TRMT9B: variants seen among roughly 807,000 people sequenced by gnomAD.
TRMT9B encodes the protein probable tRNA methyltransferase 9B.
A neutral mutation model predicts 11.5 loss-of-function variants in TRMT9B; 16 were observed. The observed-to-expected ratio is 1.39, with a 90% CI of 0.94 to 2.11. The LOEUF (loss-of-function observed/expected upper bound fraction) is 2.11, where lower values mean the gene tolerates loss of function less well. TRMT9B is among the 30% of genes most tolerant of loss of function. TRMT9B has a pLI of 0.00. For synonymous variants in TRMT9B, 274 were observed against 192.4 expected, an observed-to-expected ratio of 1.42 and a Z score of -3.51; for missense variants, 941 against 553.8, an observed-to-expected ratio of 1.70 and a Z score of -7.02.
chr8:12,968,109 T>A (rs1295236975), intron 1 of TRMT9B, among the ~76,000 whole-genome samples: 1 of 152,196 alleles, frequency 6.6e-6, no homozygotes, highest in Non-Finnish European at 1.5e-5. Context: ...GGTCTCAAAC[T>A]CCTGGGCTTA....
At position 12,990,776 on chromosome 8, in the gene TRMT9B, C is replaced by G. The variant is rs1807196372; in HGVS notation, c.-199-58C>G. The G allele has an allele frequency of 4.4e-6, 5 of 1,138,510 alleles. No individual in the cohort carries two copies. In the South Asian group the frequency reaches 6.9e-5, roughly 16 times the overall value. 70.5% of individuals were successfully genotyped at this position (1,138,510 alleles called of 1,614,324 possible). On this transcript the variant is annotated intron_variant, in intron 1 of 4. Coordinates refer to ENST00000524591, the MANE Select transcript of TRMT9B (RefSeq NM_020844.3). ...GTCAGGAAGTCAGCCTGGGCTGTAG[C>G]TGGCTCCATATACATACCATGTGAA...
At position 13,021,405 on chromosome 8, in the gene TRMT9B, A is replaced by C. The variant is rs1020281982; in HGVS notation, c.726A>C (p.Thr242=). ...AGGAAGAATATGGATTTTACAGCACATTAGGAAAATCGTTTCGTTCCTGGT... is the reference window on the plus strand; with the variant it reads ...AGGAAGAATATGGATTTTACAGCACCTTAGGAAAATCGTTTCGTTCCTGGT... ...EGEEEYGFYS[T]LGKSFRSWFF... Residue 242 remains threonine, a synonymous_variant, in exon 5 of 5, where the codon ACA becomes ACC. Transcript: ENST00000524591. The C allele has an allele frequency of 6.2e-7, 1 of 1,614,044 alleles. No individual in the cohort carries two copies. The highest frequency in any genetic ancestry group is 8.5e-7 in the Non-Finnish European group (1 of 1,179,894).
At chr8:12,998,379 A>C (rs991791868) in intron 2 of TRMT9B, among the ~76,000 whole-genome samples, 1 of 152,236 alleles carries the variant, frequency 6.6e-6, no homozygotes, top group African/African-American at 2.4e-5. Context: ...TCATAAATGT[A>C]TGTCAGTATT....
At chr8:12,983,556 G>C (rs1305312927) in intron 1 of TRMT9B, among the ~76,000 whole-genome samples, 1 of 152,128 alleles carries the variant, frequency 6.6e-6, no homozygotes, top group Non-Finnish European at 1.5e-5. Context: ...TGTAATCTCA[G>C]CTGCTCAGGA....
At chr8:12,997,968 G>A (rs950535839) in intron 2 of TRMT9B, among the ~76,000 whole-genome samples, 7 of 152,076 alleles carry the variant, frequency 4.6e-5, no homozygotes, top group African/African-American at 1.7e-4. Flanking sequence ...GGATCCTATT[G>A]TGGCTTAAAT....
At chr8:12,960,282 G>C (rs1354017511) in intron 1 of TRMT9B, 2 of 152,212 alleles carry the variant, frequency 1.3e-5, no homozygotes, top group African/African-American at 2.4e-5. Context: ...TCAGTCACTA[G>C]TAGTAACCAA....
At chr8:12,967,676 G>C (rs1310342629) in intron 1 of TRMT9B, among the ~76,000 whole-genome samples, 4 of 152,136 alleles carry the variant, frequency 2.6e-5, no homozygotes, top group African/African-American at 9.7e-5. Flanking sequence ...TAAGTGAGTA[G>C]TCACTTCCAT....
intron 1 of TRMT9B, among the ~76,000 whole-genome samples, chr8:12,985,271 G>C (rs1433023724): frequency 6.6e-6 from 1 of 152,130 alleles, no homozygotes; most frequent in Non-Finnish European, 1.5e-5. Flanking sequence ...ATATTTTGTT[G>C]TTTTGAAGCT....
At chr8:12,955,322 T>C (rs1163751844) in intron 1 of TRMT9B, among the ~76,000 whole-genome samples, 1 of 152,140 alleles carries the variant, frequency 6.6e-6, no homozygotes, top group Non-Finnish European at 1.5e-5. Context: ...TTTTTAGAGA[T>C]GATGATGAGG....
Position 13,028,110 on chromosome 8 carries a change from C to A in TRMT9B, c.*6066C>A, listed in dbSNP as rs1476619100. 1 of 167,064 alleles carries A rather than the reference C, an allele frequency of 6.0e-6. No individual in the cohort carries two copies. Among genetic ancestry groups the A allele is most frequent in the African/African-American group, 2.4e-5 (1 of 41,442 alleles). 10.3% of individuals were successfully genotyped at this position (167,064 alleles called of 1,614,324 possible). On this transcript the variant is annotated 3_prime_UTR_variant, in exon 5 of 5. Coordinates refer to ENST00000524591, the MANE Select transcript of TRMT9B (RefSeq NM_020844.3). ...TTCTATTTTTAATTCCCCAGGGATC[C>A]TACGGTCTATGACACATTAACAGGG... is the stretch of plus-strand genomic sequence containing the variant.
At chr8:13,019,055 A>G (rs1042599858) in intron 4 of TRMT9B, among the ~76,000 whole-genome samples, 2 of 152,302 alleles carry the variant, frequency 1.3e-5, no homozygotes, top group Non-Finnish European at 2.9e-5. Context: ...GCCCCTCTGC[A>G]TTCGTCAGTG....
intron 2 of TRMT9B, 37 bp from the exon 3 acceptor site, chr8:13,006,165 T>G: frequency 6.2e-7 from 1 of 1,606,826 alleles, no homozygotes; most frequent in Non-Finnish European, 8.5e-7. Context: ...GTGCATAGGC[T>G]GACCTGCATG....
chr8:13,010,876 C>G, intron 3 of TRMT9B: 1 of 971,804 alleles, frequency 1.0e-6, no homozygotes, highest in South Asian at 4.8e-5. Flanking sequence ...ACAGAGGGTA[C>G]TTTTTCTCAT....
At position 13,021,835 on chromosome 8, in the gene TRMT9B, G is replaced by A; in HGVS notation, c.1156G>A (p.Asp386Asn). ...AAGGATTTCTGCAGTTGATTCCACAGATTTCAACCCAGATGATACAATGTC... is the reference window on the plus strand; with the variant it reads ...AAGGATTTCTGCAGTTGATTCCACAAATTTCAACCCAGATGATACAATGTC... ...LRRISAVDSTDFNPDDTMSVE... is the reference protein window; with the variant it reads ...LRRISAVDSTNFNPDDTMSVE... The change falls in exon 5 of 5, where the codon GAT becomes AAT. Residue 386 changes from aspartate (D) to asparagine (N), a missense_variant. Transcript: ENST00000524591. 1 of 1,613,756 alleles carries A rather than the reference G, an allele frequency of 6.2e-7. No individual in the cohort carries two copies. Among genetic ancestry groups the A allele is most frequent in the South Asian group, 1.1e-5 (1 of 91,042 alleles).
chr8:12,993,732 T>C (rs12375360), intron 2 of TRMT9B, among the ~76,000 whole-genome samples: 3,957 of 152,358 alleles, frequency 0.026, 71 homozygotes, highest in South Asian at 0.081. Context: ...ATGAGTCCTG[T>C]TGGCAACCCT....
Position 13,019,176 on chromosome 8 carries a change from A to G in TRMT9B, c.329-1832A>G, listed in dbSNP as rs139731118. On this transcript the variant is annotated intron_variant, in intron 4 of 4. Coordinates refer to ENST00000524591, the MANE Select transcript of TRMT9B (RefSeq NM_020844.3). ...AAATTCGCAAATACAGAATCCATGA[A>G]TAATGAAGATGGATTGTATTTAGAA... Among the ~76,000 whole-genome samples, 832 of 152,312 alleles carry G rather than the reference A, an allele frequency of 5.5e-3. 10 individuals carry two copies. Among genetic ancestry groups the G allele is most frequent in the African/African-American group, 0.019 (803 of 41,562 alleles).
chr8:12,981,553 T>G (rs773656782), intron 1 of TRMT9B, among the ~76,000 whole-genome samples: 5 of 152,184 alleles, frequency 3.3e-5, no homozygotes, highest in Non-Finnish European at 5.9e-5. Context: ...AGTTCTTTAT[T>G]CCAGTATTGG....
intron 1 of TRMT9B, among the ~76,000 whole-genome samples, chr8:12,986,910 C>G (rs1806409017): frequency 6.6e-6 from 1 of 152,132 alleles, no homozygotes; most frequent in Admixed American, 6.5e-5. Context: ...TGGACCCATC[C>G]ATGAAGTGCC....
In TRMT9B at chr8:13,029,595, T is replaced by C. The variant is rs774074665; in HGVS notation, c.*7551T>C. On this transcript the variant is annotated 3_prime_UTR_variant, in exon 5 of 5. Transcript: ENST00000524591. ...CAGGACAAGCATTATTCAGTTCACA[T>C]AGTCAGCTCTCACTACACTTCAACA... 1 of 165,108 alleles carries C rather than the reference T, an allele frequency of 6.1e-6. No individual in the cohort carries two copies. The highest frequency in any genetic ancestry group is 2.4e-5 in the African/African-American group (1 of 41,472). 10.2% of individuals were successfully genotyped at this position (165,108 alleles called of 1,614,324 possible).
Sources: allele counts gnomAD v4.1 joint callset (sites outside exome capture counted in the v4.1 genomes callset), GRCh38; gene constraint gnomAD v4.1.1; transcripts MANE v1.5; gene names NCBI Gene and HGNC (gene_info 2026-07-23, HGNC 2026-07-21).